The following NFATC3 variants were observed in gnomAD, a reference collection of about 807,000 sequenced individuals.
The protein encoded by NFATC3 is nuclear factor of activated T cells 3.
Under a neutral mutation model 98.6 loss-of-function variants are expected in NFATC3, and 46 were observed. The observed-to-expected ratio is 0.47, with a 90% CI of 0.37 to 0.60. The LOEUF (loss-of-function observed/expected upper bound fraction) is 0.60, where lower values mean the gene tolerates loss of function less well. NFATC3 is among the 20% of genes least tolerant of loss of function. The probability of loss-of-function intolerance (pLI) is 0.00; values close to 1 mark genes in which losing one functional copy is unlikely to be tolerated. For synonymous variants in NFATC3, 512 were observed against 472.2 expected, an observed-to-expected ratio of 1.08 and a Z score of -1.09; for missense variants, 1,256 against 1,295.5, an observed-to-expected ratio of 0.97 and a Z score of 0.47.
At chr16:68,160,795 G>A (rs1303813236) in intron 4 of NFATC3, among the ~76,000 whole-genome samples, 3 of 151,726 alleles carry the variant, frequency 2.0e-5, no homozygotes, top group Non-Finnish European at 2.9e-5. Flanking sequence ...AGTGATTCTC[G>A]TGCTTCAGCC....
intron 9 of NFATC3, chr16:68,217,818 G>C (rs1219496204): frequency 8.1e-7 from 1 of 1,231,164 alleles, no homozygotes; most frequent in East Asian, 3.2e-5. Flanking sequence ...AGGAAGATAC[G>C]TACATCGCTT....
At chr16:68,208,523 T>TAACGTGGGCCCACCTGGCC (rs1271988866) in intron 9 of NFATC3, among the ~76,000 whole-genome samples, 2 of 152,060 alleles carry the variant, frequency 1.3e-5, no homozygotes, top group African/African-American at 4.8e-5. Context: ...CCAACCTGGC[T>TAACGTGGGCCCACCTGGCC]AACGTGGGCC....
chr16:68,137,740 A>C (rs2037509228), intron 3 of NFATC3, among the ~76,000 whole-genome samples: 1 of 151,000 alleles, frequency 6.6e-6, no homozygotes, highest in South Asian at 2.1e-4. Context: ...CAGCCTCCCG[A>C]GTAGCTGGGA....
chr16:68,135,659 T>C (rs906861041), intron 3 of NFATC3, among the ~76,000 whole-genome samples: 3 of 152,162 alleles, frequency 2.0e-5, no homozygotes. Flanking sequence ...AAATGCTCAT[T>C]TTCAGTTACT....
intron 3 of NFATC3, among the ~76,000 whole-genome samples, chr16:68,147,499 A>G (rs922266672): frequency 1.3e-5 from 2 of 152,160 alleles, no homozygotes; most frequent in East Asian, 1.9e-4. Flanking sequence ...AATGCCTGTA[A>G]TGTGCTAGGC....
At chr16:68,090,279 T>G (rs1041238224) in intron 1 of NFATC3, among the ~76,000 whole-genome samples, 1 of 141,366 alleles carries the variant, frequency 7.1e-6, no homozygotes, top group African/African-American at 2.7e-5. Flanking sequence ...GTAACTAAAA[T>G]TTTTTTAAAC....
chr16:68,177,271 G>A (rs1299634802), intron 6 of NFATC3, among the ~76,000 whole-genome samples: 1 of 151,964 alleles, frequency 6.6e-6, no homozygotes, highest in Non-Finnish European at 1.5e-5. Flanking sequence ...GGCTGGTCTT[G>A]AACTCCTGAT....
chr16:68,208,153 A>T (rs2041226716), intron 9 of NFATC3, among the ~76,000 whole-genome samples: 2 of 152,176 alleles, frequency 1.3e-5, no homozygotes, highest in South Asian at 4.1e-4. Context: ...CTCCTGCCTC[A>T]GCCTCCTGAG....
At chr16:68,205,027 GC>G (rs2041087072) in intron 9 of NFATC3, among the ~76,000 whole-genome samples, 2 of 148,872 alleles carry the variant, frequency 1.3e-5, no homozygotes. Flanking sequence ...CATTTCCAAA[GC>G]CTACAGTTAG....
chr16:68,159,450 G>GTC lies in NFATC3; in HGVS notation c.1601+1385_1601+1386dup, dbSNP rs527353628. On this transcript the variant is annotated intron_variant, in intron 4 of 9. Coordinates refer to ENST00000346183, the MANE Select transcript of NFATC3 (RefSeq NM_173165.3). ...TTTTATTTATTTTTTTCAAGATGGAGTCTCGCTCTGTGGCCCAGGTTGGAG... is the reference window on the plus strand; with the variant it reads ...TTTTATTTATTTTTTTCAAGATGGAGTCTCTCGCTCTGTGGCCCAGGTTGGAG... 4.3e-3 allele frequency among the ~76,000 whole-genome samples: 624 copies of GTC among 146,582 alleles called. 8 individuals are homozygous for GTC. The highest frequency in any genetic ancestry group is 0.015 in the African/African-American group (588 of 39,576).
chr16:68,135,457 CAAAAAAAAAAAAAAAAAA>C (rs60331468), intron 3 of NFATC3, among the ~76,000 whole-genome samples: 2 of 78,696 alleles, frequency 2.5e-5, no homozygotes, highest in African/African-American at 5.5e-5. Flanking sequence ...GACTCCGTCT[CAAAAAAAAAAAAAAAAAA>C]AAAAAAAAGA....
intron 6 of NFATC3, among the ~76,000 whole-genome samples, chr16:68,176,319 A>C (rs1403442002): frequency 6.6e-6 from 1 of 152,036 alleles, no homozygotes; most frequent in Non-Finnish European, 1.5e-5. Flanking sequence ...TATAATTGCC[A>C]AAAAATGGAA....
chr16:68,112,546 G>T (rs2036014477), intron 1 of NFATC3, among the ~76,000 whole-genome samples: 1 of 151,552 alleles, frequency 6.6e-6, no homozygotes, highest in Non-Finnish European at 1.5e-5. Flanking sequence ...AAAGTGCTGG[G>T]ATTATAGGCG....
At position 68,093,660 on chromosome 16, in the gene NFATC3, T is replaced by C. The variant is rs571088375; in HGVS notation, c.103+7876T>C. Among the ~76,000 whole-genome samples the C allele has an allele frequency of 2.2e-4, 33 of 152,338 alleles. 2 individuals carry two copies. The South Asian group carries it at 4.3e-3, about 20-fold the overall frequency. On this transcript the variant is annotated intron_variant, in intron 1 of 9. Transcript: ENST00000346183. The stretch of plus-strand genomic sequence containing the variant: ...CTATTATGTGCAAGGTATTTTTATG[T>C]GCATTATCTCATGATAACCTAGAGA...
At chr16:68,168,630 C>T (rs1193749339) in intron 5 of NFATC3, among the ~76,000 whole-genome samples, 3 of 152,022 alleles carry the variant, frequency 2.0e-5, no homozygotes, top group East Asian at 3.9e-4. Context: ...AGATTATAGG[C>T]GTGTGCCACC....
intron 4 of NFATC3, among the ~76,000 whole-genome samples, chr16:68,163,829 C>T (rs1216706582): frequency 4.4e-4 from 66 of 151,582 alleles, no homozygotes; most frequent in African/African-American, 1.2e-3. Context: ...ACGCTCCTCA[C>T]TTCCTAGATG....
At chr16:68,106,278 C>G (rs2035649926) in intron 1 of NFATC3, among the ~76,000 whole-genome samples, 3 of 151,152 alleles carry the variant, frequency 2.0e-5, no homozygotes, top group Admixed American at 2.0e-4. Context: ...GTAGTGTTTT[C>G]TTTTTTCTTT....
rs539394337 is a variant in NFATC3 at position 68,123,384 on chromosome 16, G to A, written c.1238+263G>A. ...AAATTACATTTAAAAATCCTTGCTA[G>A]GTTTGGAGGCTTATGCTTTGTATTC... On this transcript the variant is annotated intron_variant, in intron 2 of 9. Transcript: ENST00000346183. Among the ~76,000 whole-genome samples the A allele has an allele frequency of 2.0e-5, 3 of 151,972 alleles. No individual in the cohort carries two copies. In the East Asian group the frequency reaches 5.8e-4, roughly 29 times the overall value.
intron 3 of NFATC3, among the ~76,000 whole-genome samples, chr16:68,145,133 C>CTTTTT (rs111691786): frequency 7.2e-6 from 1 of 139,852 alleles, no homozygotes; most frequent in Non-Finnish European, 1.6e-5. Context: ...TTCTCTCTCT[C>CTTTTT]TTTTTTTTTT....
Sources: gnomAD v4.1 joint callset for allele counts (sites outside exome capture counted in the v4.1 genomes callset) on GRCh38, gnomAD v4.1.1 for gene constraint, MANE v1.5 for transcripts, NCBI Gene and HGNC (gene_info 2026-07-23, HGNC 2026-07-21) for gene names.